The following GLI3 variants were observed in gnomAD, a reference collection of about 807,000 sequenced individuals.
GLI3 encodes the protein transcription activator GLI3.
GLI3 carries 20 observed loss-of-function variants against 100.8 expected under a neutral mutation model. The observed-to-expected ratio is 0.20, with a 90% CI of 0.14 to 0.29. GLI3 has a LOEUF of 0.29. Ranked by LOEUF, GLI3 falls within the 10% of genes least tolerant of loss-of-function variation. GLI3 has a pLI of 1.00. For synonymous variants in GLI3, 938 were observed against 860.5 expected (o/e 1.09, Z -1.58); for missense variants, 2,040 against 2,128.5 (o/e 0.96, Z 0.82).
At chr7:41,968,759 AG>A (rs1562662102) in intron 13 of GLI3, among the ~76,000 whole-genome samples, 34 of 97,906 alleles carry the variant, frequency 3.5e-4, no homozygotes, top group African/African-American at 1.3e-3. Flanking sequence ...AAAGAAAGAA[AG>A]AAGGAAAGAA....
chr7:42,060,219 A>C (rs1784539541), intron 4 of GLI3, among the ~76,000 whole-genome samples: 1 of 152,208 alleles, frequency 6.6e-6, no homozygotes, highest in Admixed American at 6.5e-5. Context: ...TGCTGCTGCC[A>C]TTCCTAGAGC....
At chr7:42,242,053 T>TATCACATAA (rs1788930816), upstream of GLI3, among the ~76,000 whole-genome samples, 1 of 152,222 alleles carries the variant, frequency 6.6e-6, no homozygotes, top group South Asian at 2.1e-4. Context: ...GGAACTTATT[T>TATCACATAA]ATGTGACCTG....
intron 10 of GLI3, among the ~76,000 whole-genome samples, chr7:41,998,858 C>CT (rs1788205308): frequency 6.6e-6 from 1 of 152,208 alleles, no homozygotes; most frequent in Non-Finnish European, 1.5e-5. Context: ...GCATCTTTCT[C>CT]TTCTGCTAAA....
intron 10 of GLI3, among the ~76,000 whole-genome samples, chr7:41,989,863 T>C (rs944127443): frequency 6.6e-6 from 1 of 151,714 alleles, no homozygotes; most frequent in African/African-American, 2.4e-5. Context: ...TAAGACCTCA[T>C]TTCTAACAAA....
intron 2 of GLI3, among the ~76,000 whole-genome samples, chr7:42,162,860 C>A (rs544701657): frequency 8.6e-5 from 13 of 150,752 alleles, no homozygotes; most frequent in African/African-American, 2.9e-4. Flanking sequence ...CTCGGCCTTA[C>A]AAAGCTCTCT....
intron 7 of GLI3, among the ~76,000 whole-genome samples, chr7:42,034,689 C>G (rs1303190429): frequency 6.6e-6 from 1 of 152,062 alleles, no homozygotes; most frequent in African/African-American, 2.4e-5. Context: ...TGTCATCATC[C>G]TATAAGTCAA....
chr7:42,214,100 T>A (rs867559243), intron 2 of GLI3, among the ~76,000 whole-genome samples: 1 of 152,256 alleles, frequency 6.6e-6, no homozygotes, highest in African/African-American at 2.4e-5. Flanking sequence ...GGCCCCGTTA[T>A]TTCATTAATG....
rs556836025 is a variant in GLI3, at chr7:42,089,018, T to C, written c.368-12161A>G. The stretch of plus-strand genomic sequence containing the variant: ...AGTCCTCTCCTCCCTCTCTACAAAG[T>C]AACCCCTGGCTTCTAGACCAGTCTT... On this transcript the variant is annotated intron_variant, in intron 3 of 14. Transcript: ENST00000395925. Among the ~76,000 whole-genome samples the C allele has an allele frequency of 1.2e-4, 19 of 152,338 alleles. No homozygotes were observed. The South Asian group carries it at 3.9e-3, about 32-fold the overall frequency.
At chr7:42,015,577 T>G (rs373786901) in intron 10 of GLI3, among the ~76,000 whole-genome samples, 1 of 152,052 alleles carries the variant, frequency 6.6e-6, no homozygotes, top group African/African-American at 2.4e-5. Context: ...ATCTCAGAAG[T>G]TGGAGTCTGT....
chr7:42,028,193 C>A (rs2128732913), intron 7 of GLI3, among the ~76,000 whole-genome samples: 1 of 152,144 alleles, frequency 6.6e-6, no homozygotes, highest in Non-Finnish European at 1.5e-5. Flanking sequence ...AAACAAAAAC[C>A]AAAATAACCC....
intron 1 of GLI3, among the ~76,000 whole-genome samples, chr7:42,230,396 C>T (rs918553095): frequency 6.6e-6 from 1 of 152,216 alleles, no homozygotes; most frequent in Admixed American, 6.5e-5. Flanking sequence ...AATGGAATTA[C>T]TCCAAGGGGA....
intron 3 of GLI3, among the ~76,000 whole-genome samples, chr7:42,102,975 T>C (rs987611233): frequency 6.6e-6 from 1 of 152,214 alleles, no homozygotes; most frequent in Admixed American, 6.5e-5. Flanking sequence ...TTAATCACAA[T>C]TGACCTTCCA....
chr7:42,207,173 C>G, intron 2 of GLI3, among the ~76,000 whole-genome samples: 1 of 152,194 alleles, frequency 6.6e-6, no homozygotes, highest in Middle Eastern at 3.4e-3. Flanking sequence ...AGGTTTATGC[C>G]CAATAGAAAT....
intron 3 of GLI3, among the ~76,000 whole-genome samples, chr7:42,134,101 A>G (rs982436770): frequency 2.0e-5 from 3 of 151,910 alleles, no homozygotes; most frequent in East Asian, 1.9e-4. Context: ...AAAAAGAAAA[A>G]AAAATCCTAT....
At chr7:42,234,072 G>A (rs1788743597) in intron 1 of GLI3, among the ~76,000 whole-genome samples, 1 of 152,158 alleles carries the variant, frequency 6.6e-6, no homozygotes, top group African/African-American at 2.4e-5. Context: ...GCATAAAGAA[G>A]AAAAGTCTGA....
In GLI3 at chr7:42,026,379, G is replaced by A. The variant is rs1446107833; in HGVS notation, c.1062C>T (p.Pro354=). 16 of 1,614,144 alleles carry A rather than the reference G, an allele frequency of 9.9e-6. No individual in the cohort carries two copies. The highest frequency in any genetic ancestry group is 5.0e-5 in the Admixed American group (3 of 60,032). The part of the protein sequence containing the change: ...PALSFTYSSA[P]VSLHMHQQIL... ...TCTGCTGATGCATGTGGAGAGAGAC[G>A]GGCGCGGAAGAGTAGGTGAAGCTCA... is the stretch of plus-strand genomic sequence containing the variant. The change falls in exon 8 of 15, where the codon CCC becomes CCT. Residue 354 remains proline (P), a synonymous_variant. Transcript: ENST00000395925.
At chr7:42,062,356 T>C (rs1784586875) in intron 4 of GLI3, among the ~76,000 whole-genome samples, 1 of 152,300 alleles carries the variant, frequency 6.6e-6, no homozygotes, top group South Asian at 2.1e-4. Context: ...TGAGAACTCT[T>C]TTCTTTTTCC....
chr7:42,156,725 T>A (rs1024860371), intron 2 of GLI3, among the ~76,000 whole-genome samples: 4 of 152,178 alleles, frequency 2.6e-5, no homozygotes, highest in Admixed American at 2.0e-4. Context: ...GACTTACAGC[T>A]TGGTTTTCCT....
chr7:41,998,172 G>A (rs1788184142), intron 10 of GLI3, among the ~76,000 whole-genome samples: 1 of 152,166 alleles, frequency 6.6e-6, no homozygotes. Context: ...GGACTTAGAG[G>A]AGCCAGGGGC....
Sources: gnomAD v4.1 joint callset for allele counts (sites outside exome capture counted in the v4.1 genomes callset) on GRCh38, gnomAD v4.1.1 for gene constraint, MANE v1.5 for transcripts, NCBI Gene and HGNC (gene_info 2026-07-23, HGNC 2026-07-21) for gene names.